The following KDM5B variants were observed in gnomAD, a reference collection of about 807,000 sequenced individuals.
KDM5B encodes the protein lysine demethylase 5B.
In KDM5B, 144 loss-of-function variants were observed where a neutral mutation model predicts 193.4. That is an observed-to-expected ratio of 0.74 (90% CI 0.65 to 0.86). The LOEUF is 0.86. Among genes scored for constraint, KDM5B ranks in the 40% least tolerant of loss-of-function variants. KDM5B has a pLI of 0.00. For missense variants in KDM5B, 1,833 were observed against 1,886.9 expected (o/e 0.97, Z 0.53); for synonymous variants, 668 against 682.6 (o/e 0.98, Z 0.33).
In KDM5B at chr1:202,735,572, AT is replaced by A; in HGVS notation, c.3279del (p.Cys1094ValfsTer8). 6.2e-7 allele frequency: 1 copy of A among 1,613,892 alleles called. No homozygotes were observed. The highest frequency in any genetic ancestry group is 8.5e-7 in the Non-Finnish European group (1 of 1,179,824). On this transcript the variant is annotated frameshift_variant, in exon 22 of 27. Coordinates refer to ENST00000367265, the MANE Select transcript of KDM5B (RefSeq NM_006618.5). LOFTEE classifies it high-confidence loss of function. ...PYSLLEVLCP[R>X]CDIGLLGLKR... ...TTCAATCCCAAAAGGCCAATATCAC[AT>A]CGAGGACACAGCACCTAATGTGGGA... is the stretch of plus-strand genomic sequence containing the variant.
intron 22 of KDM5B, among the ~76,000 whole-genome samples, chr1:202,734,625 A>G (rs1392508927): frequency 6.6e-6 from 1 of 152,252 alleles, no homozygotes; most frequent in African/African-American, 2.4e-5. Flanking sequence ...TGTAACTTTC[A>G]GTTAGTCTTT....
chr1:202,756,342 C>G lies in KDM5B; in HGVS notation c.1356+16G>C, dbSNP rs1656009683. ...TTCAATAAATACCTCAATTTCCAAG[C>G]CACTTATATGCCTACCTCTTCCTCA... On this transcript the variant is annotated intron_variant, in intron 10 of 26. Transcript: ENST00000367265. 1 of 1,566,178 alleles carries G rather than the reference C, an allele frequency of 6.4e-7. No homozygotes were observed. Among genetic ancestry groups the G allele is most frequent in the Non-Finnish European group, 8.6e-7 (1 of 1,157,014 alleles).
chr1:202,762,217 TTCTC>T (rs1346979908), intron 7 of KDM5B, among the ~76,000 whole-genome samples: 1 of 152,192 alleles, frequency 6.6e-6, no homozygotes, highest in Non-Finnish European at 1.5e-5. Flanking sequence ...TCTTCCTTCC[TTCTC>T]TACTTCCTTT....
intron 3 of KDM5B, among the ~76,000 whole-genome samples, chr1:202,774,047 A>AT (rs368098252): frequency 5.9e-5 from 9 of 152,092 alleles, no homozygotes; most frequent in Non-Finnish European, 7.4e-5. Flanking sequence ...ATGGCTCAGC[A>AT]TTTTTTTACC....
At chr1:202,736,463 T>A in intron 20 of KDM5B, 71 bp from the exon 21 acceptor site, 1 of 1,273,234 alleles carries the variant, frequency 7.9e-7, no homozygotes, top group South Asian at 1.6e-5. Flanking sequence ...AAAAGCTTAA[T>A]TCAGATTGGT....
In KDM5B at chr1:202,758,396, CTGG is replaced by C; in HGVS notation, c.1189_1191del (p.Pro397del). 1 of 1,610,856 alleles carries C rather than the reference CTGG, an allele frequency of 6.2e-7. No homozygotes were observed. The highest frequency in any genetic ancestry group is 8.5e-7 in the Non-Finnish European group (1 of 1,177,704). On this transcript the variant is annotated inframe_deletion, in exon 9 of 27. Transcript: ENST00000367265. Reference sequence around the variant, plus strand: ...AGCAGTATATATGTACATACATGGACTGGCATGTTGAAGTAATCAGATTTGAAC... The same window carrying C: ...AGCAGTATATATGTACATACATGGACCATGTTGAAGTAATCAGATTTGAAC...
At chr1:202,771,255 T>A (rs1656702954) in intron 4 of KDM5B, among the ~76,000 whole-genome samples, 1 of 152,214 alleles carries the variant, frequency 6.6e-6, no homozygotes, top group African/African-American at 2.4e-5. Flanking sequence ...AGTCTCATTC[T>A]GAGTCTCATT....
rs1024361166 is a variant in KDM5B, at chr1:202,779,531, C to T, written c.205-2437G>A. 1.6e-4 allele frequency among the ~76,000 whole-genome samples: 24 copies of T among 151,070 alleles called. 1 individual carries two copies. Among genetic ancestry groups the T allele is most frequent in the African/African-American group, 5.8e-4 (24 of 41,094 alleles). On this transcript the variant is annotated intron_variant, in intron 1 of 26. Transcript: ENST00000367265. ...ATTCAACCAGAGTTGAATGGCCAGG[C>T]GCACTGGCTCACACCAGTAATCCCA...
intron 11 of KDM5B, among the ~76,000 whole-genome samples, chr1:202,753,434 C>A (rs1378842400): frequency 6.6e-6 from 1 of 151,974 alleles, no homozygotes; most frequent in Non-Finnish European, 1.5e-5. Context: ...GGTGGAGGAT[C>A]CAGTGAGCAG....
At chr1:202,791,639 C>T (rs1422847446) in intron 1 of KDM5B, among the ~76,000 whole-genome samples, 1 of 152,118 alleles carries the variant, frequency 6.6e-6, no homozygotes, top group Non-Finnish European at 1.5e-5. Flanking sequence ...TTTAACCACT[C>T]GGTACATAAC....
intron 17 of KDM5B, 68 bp from the exon 18 acceptor site, chr1:202,742,573 C>T (rs1309143693): frequency 1.2e-6 from 2 of 1,601,260 alleles, no homozygotes; most frequent in Non-Finnish European, 1.7e-6. Context: ...CAGGTGGTCA[C>T]AGAAATTCAA....
rs1350684298 is a variant in KDM5B at position 202,726,882 on chromosome 1, T to C, written c.*2154A>G. Reference sequence around the variant, plus strand: ...AAACCCAGGCTTTGTTATTTACTAGTAGTACAGTGTAGCTTTGGGCAACTG... The same window carrying C: ...AAACCCAGGCTTTGTTATTTACTAGCAGTACAGTGTAGCTTTGGGCAACTG... On this transcript the variant is annotated 3_prime_UTR_variant, in exon 27 of 27. Coordinates refer to ENST00000367265, the MANE Select transcript of KDM5B (RefSeq NM_006618.5). 4 of 152,250 alleles carry C rather than the reference T, an allele frequency of 2.6e-5. No individual in the cohort carries two copies. Among genetic ancestry groups the C allele is most frequent in the Non-Finnish European group, 5.9e-5 (4 of 68,052 alleles). 9.4% of individuals were successfully genotyped at this position (152,250 alleles called of 1,614,324 possible). A position where few individuals can be genotyped will look rare whatever the true frequency, so the allele number is the denominator to read the frequency against.
rs753474440 is a variant in KDM5B, at chr1:202,762,799, A to G, written c.818T>C (p.Met273Thr). The G allele has an allele frequency of 2.5e-6, 4 of 1,593,854 alleles. No individual in the cohort carries two copies. In the South Asian group the frequency reaches 3.3e-5, roughly 13 times the overall value. Residue 273 changes from methionine (M) to threonine (T), a missense_variant, in exon 7 of 27, where the codon ATG (methionine) becomes ACG (threonine). By Grantham distance (81) the Met-to-Thr change is moderately conservative (BLOSUM62 -1). This residue lies in a region of KDM5B where 355 missense variants were observed against 374.9 expected (regional missense o/e 0.95). Transcript: ENST00000367265. ...PTPKCENEKE[M>T]KSSIKQEPIE... ...AGGTTCTTGCTTGATGCTACTCTTC[A>G]TTTCTTTCTCTGTAGGAGGCAATCC... is the stretch of plus-strand genomic sequence containing the variant.
Position 202,760,577 on chromosome 1 carries a change from T to A in KDM5B, c.919-4A>T. 1 of 1,602,618 alleles carries A rather than the reference T, an allele frequency of 6.2e-7. No homozygotes were observed. The highest frequency in any genetic ancestry group is 8.5e-7 in the Non-Finnish European group (1 of 1,175,198). On this transcript the variant is annotated splice_polypyrimidine_tract_variant and splice_region_variant and intron_variant, in intron 7 of 26. Coordinates refer to ENST00000367265, the MANE Select transcript of KDM5B (RefSeq NM_006618.5). ...AAAGACAGACATACAGGTCCACCTG[T>A]AGCAATAAAAGTGGGTACAGAACAA...
chr1:202,762,357 A>C (rs1168687388), intron 7 of KDM5B, among the ~76,000 whole-genome samples: 1 of 152,156 alleles, frequency 6.6e-6, no homozygotes. Flanking sequence ...GCGAGCCTTC[A>C]GCTCATGTAG....
intron 1 of KDM5B, among the ~76,000 whole-genome samples, chr1:202,799,785 C>T (rs1658001552): frequency 6.6e-6 from 1 of 152,052 alleles, no homozygotes; most frequent in Admixed American, 6.6e-5. Context: ...CAGCATTTTA[C>T]AAGAGATTAC....
intron 4 of KDM5B, among the ~76,000 whole-genome samples, chr1:202,770,682 T>C (rs993191436): frequency 3.9e-5 from 6 of 152,178 alleles, no homozygotes; most frequent in African/African-American, 9.6e-5. Flanking sequence ...CTCATATGAT[T>C]AGTAAAAAAA....
chr1:202,746,569 G>C, intron 14 of KDM5B: 1 of 400,128 alleles, frequency 2.5e-6, no homozygotes, highest in East Asian at 3.8e-5. Flanking sequence ...TTTGATCTGA[G>C]TATGAACACC....
intron 11 of KDM5B, 36 bp downstream of exon 11, chr1:202,755,235 G>A (rs773587772): frequency 1.9e-6 from 3 of 1,541,530 alleles, no homozygotes; most frequent in Non-Finnish European, 2.7e-6. Flanking sequence ...TATCCAGCAT[G>A]CATACTACTC....
Sources: gnomAD v4.1 joint callset for allele counts (sites outside exome capture counted in the v4.1 genomes callset) on GRCh38, gnomAD v4.1.1 for gene constraint, gnomAD v4.1.1 regional missense constraint, MANE v1.5 for transcripts, NCBI Gene and HGNC (gene_info 2026-07-23, HGNC 2026-07-21) for gene names.